Variants in KSR2 observed in about 807,000 individuals in gnomAD.
KSR2 encodes the protein kinase suppressor of ras 2.
KSR2 carries 25 observed loss-of-function variants against 107.8 expected under a neutral mutation model. That is an observed-to-expected ratio of 0.23 (90% CI 0.17 to 0.32). The LOEUF (loss-of-function observed/expected upper bound fraction) is 0.32. Ranked by LOEUF, KSR2 falls within the 10% of genes least tolerant of loss-of-function variation. The pLI, the probability that KSR2 is intolerant of heterozygous loss-of-function variation, is 1.00. For missense variants in KSR2, 887 were observed against 1,268.9 expected, an observed-to-expected ratio of 0.70 and a Z score of 4.57; for synonymous variants, 480 against 507.0, an observed-to-expected ratio of 0.95 and a Z score of 0.71.
At chr12:117,735,726 T>C (rs1009441823) in intron 4 of KSR2, among the ~76,000 whole-genome samples, 2 of 152,148 alleles carry the variant, frequency 1.3e-5, no homozygotes, top group Non-Finnish European at 2.9e-5. Context: ...TATAAGATAG[T>C]CACAGAACCG....
rs1895078827 is a variant in KSR2 at position 117,913,318 on chromosome 12, C to A, written c.181-52887G>T. Among the ~76,000 whole-genome samples the A allele has an allele frequency of 2.0e-5, 3 of 152,136 alleles. No homozygotes were observed. In the South Asian group the frequency reaches 6.2e-4, roughly 32 times the overall value. ...CAAGGAAGCAGTCACCACTGCCAAG[C>A]CCTATGGAACTGTAATGACCCCTGG... On this transcript the variant is annotated intron_variant, in intron 1 of 19. Transcript: ENST00000339824.
chr12:117,819,930 A>G (rs1891505190), intron 3 of KSR2, among the ~76,000 whole-genome samples: 1 of 152,200 alleles, frequency 6.6e-6, no homozygotes, highest in African/African-American at 2.4e-5. Flanking sequence ...AATGCATAGG[A>G]AAAAAGCCTA....
In KSR2 at chr12:117,666,417, C is replaced by T. The variant is rs559138955; in HGVS notation, c.1171+1057G>A. Among the ~76,000 whole-genome samples the T allele has an allele frequency of 1.1e-4, 17 of 152,222 alleles. 1 individual carries two copies. In the South Asian group the frequency reaches 1.2e-3, roughly 11 times the overall value. Reference sequence around the variant, plus strand: ...AAAGGCATTCTGCTGAGTATTTGAGCGGTCATGGTTATCAAATGATGTGTG... The same window carrying T: ...AAAGGCATTCTGCTGAGTATTTGAGTGGTCATGGTTATCAAATGATGTGTG... On this transcript the variant is annotated intron_variant, in intron 5 of 19. Transcript: ENST00000339824.
At chr12:117,866,779 A>T (rs1893484114) in intron 1 of KSR2, among the ~76,000 whole-genome samples, 1 of 152,288 alleles carries the variant, frequency 6.6e-6, no homozygotes, top group African/African-American at 2.4e-5. Flanking sequence ...CAGTGACCCA[A>T]GATCATGCCA....
intron 10 of KSR2, among the ~76,000 whole-genome samples, chr12:117,533,255 G>A (rs894518081): frequency 1.7e-4 from 26 of 152,198 alleles, no homozygotes. Flanking sequence ...GGAAGCAGAC[G>A]GAACACTCTC....
intron 4 of KSR2, among the ~76,000 whole-genome samples, chr12:117,749,847 G>T (rs1888547759): frequency 6.6e-6 from 1 of 152,172 alleles, no homozygotes; most frequent in Non-Finnish European, 1.5e-5. Flanking sequence ...CTGGGGCAGG[G>T]TCTTTAAGAG....
intron 1 of KSR2, among the ~76,000 whole-genome samples, chr12:117,902,627 G>A (rs1297564201): frequency 6.6e-6 from 1 of 151,982 alleles, no homozygotes; most frequent in Non-Finnish European, 1.5e-5. Flanking sequence ...ATAGCATTAG[G>A]AGAAACACCT....
chr12:117,776,449 T>C (rs1196621881), intron 3 of KSR2, among the ~76,000 whole-genome samples: 2 of 152,134 alleles, frequency 1.3e-5, no homozygotes, highest in African/African-American at 4.8e-5. Flanking sequence ...CTACAACTCA[T>C]AAAATTATAA....
chr12:117,968,216 G>A lies in KSR2; in HGVS notation c.40C>T (p.Pro14Ser), dbSNP rs1202880633. Residue 14 changes from proline to serine, a missense_variant, in exon 1 of 20, where the codon CCT becomes TCT. Pro to Ser is a moderately conservative substitution (Grantham distance 74). Around this residue, in one of 8 missense-constraint regions of KSR2, gnomAD observed 32 missense variants for 25.9 expected, o/e 1.23. Transcript: ENST00000339824. ...TGTAAGGCTTTTTGCAAACTCAGAG[G>A]CTGCTGCTCCTCGCTTTTCGTCATG... ...ENMTKSEEQQPLSLQKALQQC... is the reference protein window; with the variant it reads ...ENMTKSEEQQSLSLQKALQQC... The A allele has an allele frequency of 1.2e-6, 2 of 1,603,868 alleles. No homozygotes were observed. Among genetic ancestry groups the A allele is most frequent in the Admixed American group, 1.7e-5 (1 of 58,198 alleles).
intron 1 of KSR2, among the ~76,000 whole-genome samples, chr12:117,953,357 C>G (rs1373620232): frequency 6.6e-6 from 1 of 152,166 alleles, no homozygotes; most frequent in Non-Finnish European, 1.5e-5. Flanking sequence ...AACAAGAACT[C>G]AAACAGATAC....
intron 1 of KSR2, among the ~76,000 whole-genome samples, chr12:117,932,858 C>A (rs1291558805): frequency 6.6e-6 from 1 of 151,810 alleles, no homozygotes; most frequent in Non-Finnish European, 1.5e-5. Flanking sequence ...ACTAAAAATA[C>A]AAAAATTAGC....
At chr12:117,565,961 C>T (rs1348409664) in intron 7 of KSR2, among the ~76,000 whole-genome samples, 1 of 152,098 alleles carries the variant, frequency 6.6e-6, no homozygotes, top group Non-Finnish European at 1.5e-5. Context: ...TTTTCTTTTG[C>T]TTTTTCACTT....
At chr12:117,577,868 T>C (rs1879384268) in intron 7 of KSR2, among the ~76,000 whole-genome samples, 1 of 152,168 alleles carries the variant, frequency 6.6e-6, no homozygotes, top group South Asian at 2.1e-4. Context: ...ACCATATCAA[T>C]TATTATTCCT....
chr12:117,558,152 A>T (rs1163472454), intron 8 of KSR2, among the ~76,000 whole-genome samples: 1 of 152,162 alleles, frequency 6.6e-6, no homozygotes, highest in Non-Finnish European at 1.5e-5. Context: ...CAATGGAAAA[A>T]CACCCAGCCA....
At chr12:117,619,466 G>T (rs1368518507) in intron 5 of KSR2, among the ~76,000 whole-genome samples, 1 of 151,692 alleles carries the variant, frequency 6.6e-6, no homozygotes, top group South Asian at 2.1e-4. Flanking sequence ...GTGGTGTTTG[G>T]TTATTTGTCC....
intron 4 of KSR2, among the ~76,000 whole-genome samples, chr12:117,678,359 C>T (rs890329936): frequency 1.3e-5 from 2 of 152,000 alleles, no homozygotes; most frequent in African/African-American, 2.4e-5. Context: ...CCCCACCCCG[C>T]CCCCACCAAC....
At chr12:117,545,981 C>G (rs972555690) in intron 9 of KSR2, among the ~76,000 whole-genome samples, 1 of 152,102 alleles carries the variant, frequency 6.6e-6, no homozygotes, top group South Asian at 2.1e-4. Context: ...GAAAGTGTTA[C>G]AATTTTTGCT....
intron 4 of KSR2, among the ~76,000 whole-genome samples, chr12:117,750,537 C>G (rs566921344): frequency 6.6e-6 from 1 of 152,046 alleles, no homozygotes. Flanking sequence ...AGGAGGTACA[C>G]GTGCAGGTTT....
chr12:117,772,548 C>T (rs1308591522), intron 3 of KSR2, among the ~76,000 whole-genome samples: 2 of 143,406 alleles, frequency 1.4e-5, no homozygotes, highest in Non-Finnish European at 3.0e-5. Flanking sequence ...CACCATTCCA[C>T]CAAAGACGCA....
Sources: gnomAD v4.1 joint callset for allele counts (sites outside exome capture counted in the v4.1 genomes callset) on GRCh38, gnomAD v4.1.1 for gene constraint, gnomAD v4.1.1 regional missense constraint, MANE v1.5 for transcripts, NCBI Gene and HGNC (gene_info 2026-07-23, HGNC 2026-07-21) for gene names.